The following KPTN variants were observed in gnomAD, a reference collection of about 807,000 sequenced individuals.
KPTN encodes the protein KICSTOR complex protein kaptin.
A neutral mutation model predicts 52.6 loss-of-function variants in KPTN; 36 were observed. The ratio of observed to expected loss-of-function variants is 0.68; its 90% CI spans 0.52 to 0.90. KPTN has a LOEUF of 0.90. Ranked by LOEUF, KPTN falls within the 40% of genes least tolerant of loss-of-function variation. KPTN has a pLI of 0.00. For synonymous variants in KPTN, 271 were observed against 248.4 expected, an observed-to-expected ratio of 1.09 and a Z score of -0.85; for missense variants, 529 against 576.2, an observed-to-expected ratio of 0.92 and a Z score of 0.84.
upstream of KPTN, among the ~76,000 whole-genome samples, chr19:47,485,663 T>C (rs548124508): frequency 1.3e-3 from 194 of 152,288 alleles, 1 homozygote; most frequent in Non-Finnish European, 2.5e-3. Flanking sequence ...TCACAAACTA[T>C]GTGCTGAGCA....
At position 47,480,376 on chromosome 19, in the gene KPTN, C is replaced by A; in HGVS notation, c.631G>T (p.Gly211Cys). 3.2e-6 allele frequency: 5 copies of A among 1,549,280 alleles called. No homozygotes were observed. Among genetic ancestry groups the A allele is most frequent in the Non-Finnish European group, 4.4e-6 (5 of 1,146,314 alleles). Residue 211 changes from glycine to cysteine, a missense_variant, in exon 7 of 12, where the codon GGC becomes TGC. By Grantham distance (159) the Gly-to-Cys change is radical (BLOSUM62 -3). Coordinates refer to ENST00000338134, the MANE Select transcript of KPTN (RefSeq NM_007059.4). The part of the protein sequence containing the change: ...VLWLDVHNFP[G>C]TSRRLSALGC... ...AGAGCTGAGAGGCGCCGGGACGTGCCGGGGAAGTTGTGGACGTCCAGCCAG... is the reference window on the plus strand; with the variant it reads ...AGAGCTGAGAGGCGCCGGGACGTGCAGGGGAAGTTGTGGACGTCCAGCCAG...
Position 47,478,618 on chromosome 19 carries a change from C to T in KPTN, c.788-837G>A, listed in dbSNP as rs144535243. On this transcript the variant is annotated intron_variant, in intron 8 of 11. Transcript: ENST00000338134. ...TTTGTGCATGTATGTTTACAACAGCCCAATTCACAACTGCAAAGATGTGGA... is the reference window on the plus strand; with the variant it reads ...TTTGTGCATGTATGTTTACAACAGCTCAATTCACAACTGCAAAGATGTGGA... Among the ~76,000 whole-genome samples, 807 of 137,038 alleles carry T rather than the reference C, an allele frequency of 5.9e-3. 5 individuals carry two copies. The highest frequency in any genetic ancestry group is 9.9e-3 in the Non-Finnish European group (632 of 63,968). 89.9% of individuals were successfully genotyped at this position (137,038 alleles called of 152,430 possible).
chr19:47,476,379 G>A (rs1967665388), intron 11 of KPTN, among the ~76,000 whole-genome samples, 153 bp downstream of exon 11: 1 of 72,030 alleles, frequency 1.4e-5, no homozygotes. Flanking sequence ...GCTGCTGTGA[G>A]CGCTCACAGC....
chr19:47,479,966 C>T (rs1198893781), intron 7 of KPTN, 26 bp from the exon 8 acceptor site: 2 of 1,588,216 alleles, frequency 1.3e-6, no homozygotes, highest in East Asian at 4.6e-5. Context: ...GGATTCAGAG[C>T]CCCAACCCCA....
chr19:47,485,354 T>G (rs772998173), upstream of KPTN, among the ~76,000 whole-genome samples: 1 of 152,214 alleles, frequency 6.6e-6, no homozygotes, highest in Admixed American at 6.5e-5. Flanking sequence ...CTGACTGATA[T>G]GCTAGCAAGT....
Position 47,483,985 on chromosome 19 carries a change from C to T in KPTN, c.176G>A (p.Arg59Gln). ...CTTGGCCACTGGCCGGATTTTCTGT[C>T]GGAGGTCTTGGTAGCGGAAGCCGAG... ...KVLGFRYQDL[R>Q]QKIRPVAKEL... The change falls in exon 1 of 12, where the codon CGA (arginine) becomes CAA (glutamine). Residue 59 changes from arginine to glutamine, a missense_variant. Coordinates refer to ENST00000338134, the MANE Select transcript of KPTN (RefSeq NM_007059.4). 6.2e-7 allele frequency: 1 copy of T among 1,613,696 alleles called. No homozygotes were observed. The highest frequency in any genetic ancestry group is 8.5e-7 in the Non-Finnish European group (1 of 1,180,010).
At position 47,475,504 on chromosome 19, in the gene KPTN, A is replaced by C. The variant is rs1189591600; in HGVS notation, c.1223T>G (p.Leu408Arg). 6 of 1,613,374 alleles carry C rather than the reference A, an allele frequency of 3.7e-6. No individual in the cohort carries two copies. In the Admixed American group the frequency reaches 1.0e-4, roughly 27 times the overall value. ...TCTCCTCTGCTCCACTTGATGTCGA[A>C]GCCGGGTCAAGACCAGCTCTGAGGC... is the stretch of plus-strand genomic sequence containing the variant. ...IQASELVLTR[L>R]RHQVEQRRRR... Residue 408 changes from leucine (L) to arginine (R), a missense_variant, in exon 12 of 12, where the codon CTT becomes CGT. Transcript: ENST00000338134.
chr19:47,483,906 C>T (rs1354917987), intron 1 of KPTN, 29 bp downstream of exon 1: 6 of 1,611,998 alleles, frequency 3.7e-6, no homozygotes, highest in Non-Finnish European at 5.1e-6. Context: ...TTCCAGGCCC[C>T]CGCCCCCCAG....
At chr19:47,480,610 C>A (rs1445172733) in intron 6 of KPTN, 150 bp downstream of exon 6, 1 of 820,614 alleles carries the variant, frequency 1.2e-6, no homozygotes, top group South Asian at 1.6e-5. Flanking sequence ...TTTCTGGGGT[C>A]ACCCCTGCTG....
intron 4 of KPTN, among the ~76,000 whole-genome samples, chr19:47,482,601 A>G (rs1967921324): frequency 6.6e-6 from 1 of 152,142 alleles, no homozygotes; most frequent in Admixed American, 6.5e-5. Context: ...CCTCAGCTGC[A>G]TATGTGTGTG....
chr19:47,485,830 G>A (rs1371705748), upstream of KPTN, among the ~76,000 whole-genome samples: 1 of 152,202 alleles, frequency 6.6e-6, no homozygotes, highest in Non-Finnish European at 1.5e-5. Context: ...GTATTCCCAG[G>A]GCCTGGCATG....
chr19:47,477,621 GA>G, intron 9 of KPTN, 84 bp downstream of exon 9: 3 of 1,032,222 alleles, frequency 2.9e-6, no homozygotes, highest in Non-Finnish European at 4.6e-6. Flanking sequence ...CCACCCAGAG[GA>G]ACTTACTGTA....
At chr19:47,481,834 T>C (rs769177303) in intron 4 of KPTN, among the ~76,000 whole-genome samples, 1 of 152,206 alleles carries the variant, frequency 6.6e-6, no homozygotes, top group African/African-American at 2.4e-5. Context: ...GAATGGAATC[T>C]GGAACTCTAG....
Position 47,476,555 on chromosome 19 carries a change from G to C in KPTN, c.1159C>G (p.Leu387Val), listed in dbSNP as rs769399259. 1 of 1,610,318 alleles carries C rather than the reference G, an allele frequency of 6.2e-7. No individual in the cohort carries two copies. The highest frequency in any genetic ancestry group is 8.5e-7 in the Non-Finnish European group (1 of 1,179,292). ...ACCTGCAGGATGTGCACGCCCTTCA[G>C]GGAGACCACGGCAAGCTCCTGCAGC... Reference protein sequence around the residue: ...DGLQELAVVSLKGVHILQHSL... With the variant: ...DGLQELAVVSVKGVHILQHSL... Residue 387 changes from leucine (L) to valine (V), a missense_variant, in exon 11 of 12, where the codon CTG becomes GTG. Physicochemically the swap from Leu to Val is conservative, Grantham distance 32. Transcript: ENST00000338134.
intron 11 of KPTN, 62 bp from the exon 12 acceptor site, chr19:47,475,606 A>T (rs1967637848): frequency 3.8e-5 from 60 of 1,588,044 alleles, no homozygotes; most frequent in Non-Finnish European, 5.1e-5. Context: ...CCACAGCGGG[A>T]CCGTCTGGAG....
At chr19:47,479,579 G>A (rs1361276236) in intron 8 of KPTN, among the ~76,000 whole-genome samples, 3 of 152,222 alleles carry the variant, frequency 2.0e-5, no homozygotes, top group Admixed American at 6.5e-5. Flanking sequence ...CCCAGGGTAC[G>A]GGGCTAAGGT....
upstream of KPTN, among the ~76,000 whole-genome samples, chr19:47,485,645 G>T (rs890264915): frequency 6.6e-6 from 1 of 152,186 alleles, no homozygotes; most frequent in Non-Finnish European, 1.5e-5. Flanking sequence ...GAAAATATGT[G>T]TCAAAAATCA....
At chr19:47,483,431 G>C (rs1057257001) in intron 2 of KPTN, 52 bp from the exon 3 acceptor site, 1 of 1,598,276 alleles carries the variant, frequency 6.3e-7, no homozygotes, top group Non-Finnish European at 8.6e-7. Context: ...GGAGGGATCC[G>C]GGGCGGCTCA....
At chr19:47,483,828 C>T (rs1487939117) in intron 1 of KPTN, 107 bp downstream of exon 1, 2 of 1,482,190 alleles carry the variant, frequency 1.3e-6, no homozygotes, top group Non-Finnish European at 1.8e-6. Flanking sequence ...CTTAAAACCA[C>T]CTGATCCCAT....
Sources: gnomAD v4.1 joint callset for allele counts (sites outside exome capture counted in the v4.1 genomes callset) on GRCh38, gnomAD v4.1.1 for gene constraint, MANE v1.5 for transcripts, NCBI Gene and HGNC (gene_info 2026-07-23, HGNC 2026-07-21) for gene names.